CEP170B: variants seen among roughly 807,000 people sequenced by gnomAD.
CEP170B encodes centrosomal protein 170B, also known as centrosomal protein of 170 kDa protein B.
CEP170B carries 55 observed loss-of-function variants against 120.6 expected under a neutral mutation model. The observed-to-expected ratio is 0.46, with a 90% CI of 0.37 to 0.57. The LOEUF (loss-of-function observed/expected upper bound fraction) is 0.57, where lower values mean the gene tolerates loss of function less well. Among genes scored for constraint, CEP170B ranks in the 20% least tolerant of loss-of-function variants. The pLI is 0.00. For synonymous variants in CEP170B, 1,033 were observed against 954.5 expected, an observed-to-expected ratio of 1.08 and a Z score of -1.52; for missense variants, 2,212 against 2,253.3, an observed-to-expected ratio of 0.98 and a Z score of 0.37.
chr14:104,880,301 C>T lies in CEP170B; in HGVS notation c.348C>T (p.Thr116=), dbSNP rs997846881. Residue 116 remains threonine (T), a synonymous_variant, in exon 6 of 19, where the codon ACC becomes ACT. Transcript: ENST00000414716. ...PEEALKHEKY[T]SQLQVSVKGL... ...CCTGCCCACAGCATGAAAAGTACAC[C>T]AGCCAGCTGCAGGTGAGCGTGAAGG... 1.2e-6 allele frequency: 2 copies of T among 1,603,242 alleles called. No homozygotes were observed. Among genetic ancestry groups the T allele is most frequent in the African/African-American group, 1.3e-5 (1 of 74,858 alleles).
chr14:104,864,967 G>C (rs1289308837), upstream of CEP170B, among the ~76,000 whole-genome samples: 1 of 149,874 alleles, frequency 6.7e-6, no homozygotes, highest in African/African-American at 2.4e-5. The surrounding 1 kb of genome is among the most constrained non-coding windows in gnomAD (Gnocchi z 5.9). Context: ...CGAAGCGGGG[G>C]GCGCTGCCGA....
intron 2 of CEP170B, among the ~76,000 whole-genome samples, chr14:104,875,891 G>T (rs966587004): frequency 1.3e-5 from 2 of 152,198 alleles, no homozygotes; most frequent in Non-Finnish European, 2.9e-5. Flanking sequence ...GGCCAGGAGT[G>T]GGGGAGGGCT....
rs915515215 is a variant in CEP170B at position 104,887,056 on chromosome 14, G to A, written c.2817G>A (p.Gly939=). 1 of 1,611,524 alleles carries A rather than the reference G, an allele frequency of 6.2e-7. No homozygotes were observed. Among genetic ancestry groups the A allele is most frequent in the Non-Finnish European group, 8.5e-7 (1 of 1,179,798 alleles). Residue 939 remains glycine (G), a synonymous_variant, in exon 12 of 19, where the codon GGG becomes GGA. Transcript: ENST00000414716. ...ATTCTGTGGATGCCGAGTGTGAGGG[G>A]GGCAGCACCCCGAGGCCGCCGGAGG... ...LSNSVDAECE[G]GSTPRPPEDA... is the part of the protein sequence containing the mutation.
In CEP170B at chr14:104,886,940, G is replaced by T; in HGVS notation, c.2701G>T (p.Ala901Ser). ...LLQDLAATRAARMDFHSQDTH... is the reference protein window; with the variant it reads ...LLQDLAATRASRMDFHSQDTH... Reference sequence around the variant, plus strand: ...ACAGGACCTGGCCGCTACCCGGGCCGCACGCATGGACTTCCACTCCCAGGA... The same window carrying T: ...ACAGGACCTGGCCGCTACCCGGGCCTCACGCATGGACTTCCACTCCCAGGA... The change falls in exon 12 of 19, where the codon GCA becomes TCA. Residue 901 changes from alanine (A) to serine (S), a missense_variant. By Grantham distance (99) the Ala-to-Ser change is moderately conservative (BLOSUM62 1). This residue lies in a region of CEP170B where 2,166 missense variants were observed against 2,166.7 expected (regional missense o/e 1.00). Coordinates refer to ENST00000414716, the MANE Select transcript of CEP170B (RefSeq NM_001112726.3). 2.5e-6 allele frequency: 4 copies of T among 1,608,742 alleles called. No homozygotes were observed. The Admixed American group carries it at 6.7e-5, about 27-fold the overall frequency.
Position 104,884,327 on chromosome 14 carries a change from G to T in CEP170B, c.1548G>T (p.Arg516=). The part of the protein sequence containing the change: ...QCLRESSPAA[R]PSPEKVPPVL... ...TGCGGGAGAGCTCCCCGGCCGCCCG[G>T]CCCAGCCCCGAGAAGGTTCCTCCGG... Residue 516 remains arginine (R), a synonymous_variant, in exon 9 of 19, where the codon CGG becomes CGT. Coordinates refer to ENST00000414716, the MANE Select transcript of CEP170B (RefSeq NM_001112726.3). 6.5e-7 allele frequency: 1 copy of T among 1,543,596 alleles called. No individual in the cohort carries two copies. Among genetic ancestry groups the T allele is most frequent in the Non-Finnish European group, 8.7e-7 (1 of 1,144,820 alleles).
At chr14:104,872,308 TGC>T (rs1895563243) in intron 2 of CEP170B, among the ~76,000 whole-genome samples, 1 of 31,286 alleles carries the variant, frequency 3.2e-5, no homozygotes, top group Non-Finnish European at 7.9e-5. Context: ...GCCATGGGTG[TGC>T]GTGTGTGCCG....
rs777653169 is a variant in CEP170B at position 104,894,887 on chromosome 14, C to T, written c.4594C>T (p.Arg1532Trp). 8.1e-6 allele frequency: 13 copies of T among 1,603,562 alleles called. No homozygotes were observed. In the Admixed American group the frequency reaches 1.0e-4, roughly 13 times the overall value. ...CCTGCCCCTGAGGAATTTCCCACAG[C>T]GGGCCAGCTGTGGGCCTCCCAGCCT... is the stretch of plus-strand genomic sequence containing the variant. ...PALPLRNFPQ[R>W]ASCGPPSLPD... is the part of the protein sequence containing the mutation. The change falls in exon 19 of 19, where the codon CGG (arginine) becomes TGG (tryptophan). Residue 1532 changes from arginine to tryptophan, a missense_variant. Physicochemically the swap from Arg to Trp is moderately radical, Grantham distance 101. This residue lies in a region of CEP170B where 2,166 missense variants were observed against 2,166.7 expected (regional missense o/e 1.00). Transcript: ENST00000414716.
rs1379977210 is a variant in CEP170B, at chr14:104,876,214, C to T, written c.106-42C>T. ...TGCCTCTGCCTCTTGGGTGTCACCT[C>T]CTCCCCTGGAGCACCTGAGGGCTGG... On this transcript the variant is annotated intron_variant, in intron 2 of 18. Transcript: ENST00000414716. 4.5e-6 allele frequency: 7 copies of T among 1,544,190 alleles called. No individual in the cohort carries two copies. In the East Asian group the frequency reaches 1.7e-4, roughly 38 times the overall value.
In CEP170B at chr14:104,868,023, A is replaced by T. The variant is rs1895281168; in HGVS notation, c.-27-401A>T. On this transcript the variant is annotated intron_variant, in intron 1 of 18. Coordinates refer to ENST00000414716, the MANE Select transcript of CEP170B (RefSeq NM_001112726.3). The surrounding 1 kb of genome is among the most constrained non-coding windows in gnomAD (Gnocchi z 5.9). The stretch of plus-strand genomic sequence containing the variant: ...TGGACCTGGCATCATGGGGACCCTG[A>T]TGGGCTATGCTGGGTCCTACCCATG... Among the ~76,000 whole-genome samples the T allele has an allele frequency of 6.6e-6, 1 of 151,830 alleles. No individual in the cohort carries two copies. The highest frequency in any genetic ancestry group is 1.5e-5 in the Non-Finnish European group (1 of 67,964).
In CEP170B at chr14:104,886,524, G is replaced by T. The variant is rs1199303518; in HGVS notation, c.2285G>T (p.Gly762Val). The stretch of plus-strand genomic sequence containing the variant: ...GACGGGGGCCGAGGCCCCGAGCCAG[G>T]GGTGGAGCCACAGGACAGCAGACGC... ...GSDGGRGPEPGVEPQDSRRRS... is the reference protein window; with the variant it reads ...GSDGGRGPEPVVEPQDSRRRS... Residue 762 changes from glycine to valine, a missense_variant, in exon 12 of 19, where the codon GGG (glycine) becomes GTG (valine). By Grantham distance (109) the Gly-to-Val change is moderately radical. Transcript: ENST00000414716. The T allele has an allele frequency of 2.4e-5, 36 of 1,516,364 alleles. No individual in the cohort carries two copies. Among genetic ancestry groups the T allele is most frequent in the Non-Finnish European group, 3.2e-5 (36 of 1,135,386 alleles). 93.9% of individuals were successfully genotyped at this position (1,516,364 alleles called of 1,614,324 possible). A position where few individuals can be genotyped will look rare whatever the true frequency, so the allele number is the denominator to read the frequency against.
rs1292538038 is a variant in CEP170B at position 104,890,390 on chromosome 14, G to GTGGATGGATGGATGGA, written c.3878+647_3878+662dup. ...AGTGGGTGGGTGGATGGATGGATGA[G>GTGGATGGATGGATGGA]TGGATGGATGGATGGATGGATGGAT... On this transcript the variant is annotated intron_variant, in intron 13 of 18. Transcript: ENST00000414716. 1.9e-3 allele frequency among the ~76,000 whole-genome samples: 220 copies of GTGGATGGATGGATGGA among 118,156 alleles called. 4 individuals carry two copies. Among genetic ancestry groups the GTGGATGGATGGATGGA allele is most frequent in the African/African-American group, 7.8e-3 (202 of 26,032 alleles). 77.5% of individuals were successfully genotyped at this position (118,156 alleles called of 152,430 possible).
At position 104,889,430 on chromosome 14, in the gene CEP170B, C is replaced by T. The variant is rs368791578; in HGVS notation, c.3740-190C>T. 8.4e-6 allele frequency: 12 copies of T among 1,429,850 alleles called. No individual in the cohort carries two copies. The African/African-American group carries it at 1.7e-4, about 20-fold the overall frequency. The allele number at this position is 1,429,850 out of a possible 1,614,324, so 88.6% of individuals were successfully genotyped here. A position where few individuals can be genotyped will look rare whatever the true frequency, so the allele number is the denominator to read the frequency against. The stretch of plus-strand genomic sequence containing the variant: ...GCCCAGCCCTGCAGCACTGAGCCCT[C>T]TCCCAGAGGGACCCTGGGACTGCCA... On this transcript the variant is annotated intron_variant, in intron 12 of 18. Coordinates refer to ENST00000414716, the MANE Select transcript of CEP170B (RefSeq NM_001112726.3).
At chr14:104,879,335 T>G (rs1193997882) in intron 5 of CEP170B, among the ~76,000 whole-genome samples, 1 of 152,140 alleles carries the variant, frequency 6.6e-6, no homozygotes, top group Non-Finnish European at 1.5e-5. Flanking sequence ...CTTTGGGGTC[T>G]CATGCCCAGG....
chr14:104,887,417 G>A lies in CEP170B; in HGVS notation c.3178G>A (p.Val1060Met), dbSNP rs778636505. Residue 1060 changes from valine (V) to methionine (M), a missense_variant, in exon 12 of 19, where the codon GTG becomes ATG. Physicochemically the swap from Val to Met is conservative, Grantham distance 21. This residue lies in a region of CEP170B where 2,166 missense variants were observed against 2,166.7 expected (regional missense o/e 1.00). Transcript: ENST00000414716. ...PVLAHLPSSD[V>M]MASNHETPEA... ...CCTCGCCCACCTACCCAGCTCAGAT[G>A]TGATGGCCTCCAACCACGAAACCCC... is the stretch of plus-strand genomic sequence containing the variant. 8 of 1,611,838 alleles carry A rather than the reference G, an allele frequency of 5.0e-6. No individual in the cohort carries two copies. The highest frequency in any genetic ancestry group is 1.3e-5 in the African/African-American group (1 of 74,936).
intron 3 of CEP170B, among the ~76,000 whole-genome samples, chr14:104,877,189 G>A (rs1458302827): frequency 1.3e-5 from 2 of 152,200 alleles, no homozygotes; most frequent in Non-Finnish European, 2.9e-5. Context: ...CCCGCAGCAT[G>A]CCTGTCTGAT....
chr14:104,871,316 T>A (rs1324069329), intron 2 of CEP170B, among the ~76,000 whole-genome samples: 1 of 151,896 alleles, frequency 6.6e-6, no homozygotes, highest in Non-Finnish European at 1.5e-5. Context: ...GAACCAAACC[T>A]GTCACCCTCC....
rs1295130550 is a variant in CEP170B, at chr14:104,877,980, C to T, written c.274+17C>T. The stretch of plus-strand genomic sequence containing the variant: ...TCGGCTACGATATCCTGCCCCTGAG[C>T]GTCCCTCCTCCTGGGCTTCTTCTCA... On this transcript the variant is annotated intron_variant, in intron 4 of 18. Coordinates refer to ENST00000414716, the MANE Select transcript of CEP170B (RefSeq NM_001112726.3). 3.8e-6 allele frequency: 6 copies of T among 1,594,590 alleles called. No homozygotes were observed. The highest frequency in any genetic ancestry group is 4.3e-6 in the Non-Finnish European group (5 of 1,168,502).
chr14:104,885,556 C>T lies in CEP170B; in HGVS notation c.1944+14C>T, dbSNP rs1338841603. On this transcript the variant is annotated intron_variant, in intron 10 of 18. Transcript: ENST00000414716. ...GCGGAGCACCAGGTACAGGCACAGA[C>T]GGCCACCCCAAGGAGGGGCTGGGCA... The T allele has an allele frequency of 7.1e-6, 11 of 1,545,826 alleles. No individual in the cohort carries two copies. Among genetic ancestry groups the T allele is most frequent in the African/African-American group, 5.5e-5 (4 of 73,058 alleles).
intron 6 of CEP170B, among the ~76,000 whole-genome samples, chr14:104,882,093 T>G (rs1051707756): frequency 1.3e-5 from 2 of 152,144 alleles, no homozygotes; most frequent in African/African-American, 2.4e-5. Context: ...GGACACTGCT[T>G]CTGTTCACTG....
Sources: allele counts gnomAD v4.1 joint callset (sites outside exome capture counted in the v4.1 genomes callset), GRCh38; gene constraint gnomAD v4.1.1; regional missense constraint gnomAD v4.1.1; non-coding constraint Gnocchi (gnomAD v3.1); transcripts MANE v1.5; gene names NCBI Gene and HGNC (gene_info 2026-07-23, HGNC 2026-07-21).